UBR3: variants seen among roughly 807,000 people sequenced by gnomAD.
The protein encoded by UBR3 is E3 ubiquitin-protein ligase UBR3.
In UBR3, 85 loss-of-function variants were observed where a neutral mutation model predicts 243.2. That is an observed-to-expected ratio of 0.35 (90% CI 0.29 to 0.42). The LOEUF (loss-of-function observed/expected upper bound fraction) is 0.42, where lower values mean the gene tolerates loss of function less well. Among genes scored for constraint, UBR3 ranks in the 10% least tolerant of loss-of-function variants. The probability of loss-of-function intolerance (pLI) is 1.00; values close to 1 mark genes in which losing one functional copy is unlikely to be tolerated. For missense variants in UBR3, 1,686 were observed against 2,300.8 expected, an observed-to-expected ratio of 0.73 and a Z score of 5.47; for synonymous variants, 748 against 799.8, an observed-to-expected ratio of 0.94 and a Z score of 1.09.
intron 24 of UBR3, among the ~76,000 whole-genome samples, chr2:169,979,307 C>A (rs573998344): frequency 6.6e-6 from 1 of 152,310 alleles, no homozygotes; most frequent in South Asian, 2.1e-4. Flanking sequence ...GGTTGCAATT[C>A]AAAATGGTAC....
At chr2:169,957,982 C>G (rs556265908) in intron 23 of UBR3, among the ~76,000 whole-genome samples, 2 of 152,262 alleles carry the variant, frequency 1.3e-5, no homozygotes, top group African/African-American at 4.8e-5. Context: ...CTTAGGGTAA[C>G]AGTAAATATG....
intron 1 of UBR3, among the ~76,000 whole-genome samples, chr2:169,831,621 G>A (rs1359998472): frequency 6.6e-6 from 1 of 152,126 alleles, no homozygotes; most frequent in African/African-American, 2.4e-5. Flanking sequence ...ATTGGATAGA[G>A]TAATTTTCCT....
At chr2:170,022,504 C>T (rs546593460) in intron 30 of UBR3, among the ~76,000 whole-genome samples, 17 of 152,244 alleles carry the variant, frequency 1.1e-4, no homozygotes, top group Non-Finnish European at 7.3e-5. Flanking sequence ...CTGGAAGGAA[C>T]ACCGGGTTGG....
intron 31 of UBR3, among the ~76,000 whole-genome samples, chr2:170,034,017 G>GT (rs1475823163): frequency 1.4e-3 from 23 of 15,926 alleles, no homozygotes; most frequent in Non-Finnish European, 9.3e-4. Context: ...ACTTTGGTTT[G>GT]TTTTTTTTTT....
intron 24 of UBR3, among the ~76,000 whole-genome samples, chr2:169,983,834 G>A (rs2088873922): frequency 6.6e-6 from 1 of 152,082 alleles, no homozygotes; most frequent in African/African-American, 2.4e-5. Context: ...TGTATTTATT[G>A]TAATAATATC....
At chr2:169,914,205 G>T (rs891839293) in intron 11 of UBR3, 59 bp downstream of exon 11, 2 of 899,908 alleles carry the variant, frequency 2.2e-6, no homozygotes, top group Non-Finnish European at 1.6e-6. Flanking sequence ...TTTAAGAAAA[G>T]TGTTAGATTT....
In UBR3 at chr2:169,955,793, C is replaced by CAAAAAA. The variant is rs56238118; in HGVS notation, c.3546-2632_3546-2627dup. On this transcript the variant is annotated intron_variant, in intron 23 of 38. Transcript: ENST00000272793. ...TGGGCCATAGAGTGAGACTCCATCT[C>CAAAAAA]AAAAAAAAAAAAAAAAAAGATGTTG... Among the ~76,000 whole-genome samples, 66 of 78,536 alleles carry CAAAAAA rather than the reference C, an allele frequency of 8.4e-4. 4 individuals carry two copies. Among genetic ancestry groups the CAAAAAA allele is most frequent in the African/African-American group, 1.4e-3 (30 of 20,796 alleles). The allele number at this position is 78,536 out of a possible 152,430, so 51.5% of individuals were successfully genotyped here. A position where few individuals can be genotyped will look rare whatever the true frequency, so the allele number is the denominator to read the frequency against.
chr2:169,876,530 T>TC (rs879684150), intron 3 of UBR3, among the ~76,000 whole-genome samples: 9 of 144,584 alleles, frequency 6.2e-5, no homozygotes, highest in African/African-American at 2.5e-4. Flanking sequence ...TCTGCCTCTC[T>TC]TTATTGTATT....
intron 1 of UBR3, among the ~76,000 whole-genome samples, chr2:169,855,504 G>C (rs1233320154): frequency 6.6e-6 from 1 of 151,926 alleles, no homozygotes; most frequent in Non-Finnish European, 1.5e-5. Context: ...GCCGCCTTCC[G>C]CAGTGTTTGT....
At chr2:170,025,736 A>G (rs1291865018) in intron 30 of UBR3, among the ~76,000 whole-genome samples, 1 of 152,180 alleles carries the variant, frequency 6.6e-6, no homozygotes, top group Non-Finnish European at 1.5e-5. Flanking sequence ...ATGGATCATA[A>G]GAGGCAGAAC....
intron 1 of UBR3, among the ~76,000 whole-genome samples, chr2:169,848,235 G>T (rs964757429): frequency 1.3e-5 from 2 of 151,136 alleles, no homozygotes; most frequent in East Asian, 1.9e-4. Context: ...GGATGAAGGG[G>T]TTAACCCAAC....
At chr2:170,064,803 A>ATTTTTTTTTTTTTTTTTTTTTTTCTT in intron 35 of UBR3, among the ~76,000 whole-genome samples, 1 of 87,878 alleles carries the variant, frequency 1.1e-5, no homozygotes, top group Non-Finnish European at 2.2e-5. Context: ...TGCTTTTTCT[A>ATTTTTTTTTTTTTTTTTTTTTTTCTT]TTTTTTTTTT....
Position 169,921,114 on chromosome 2 carries a change from G to A in UBR3, c.1867-2815G>A, listed in dbSNP as rs532390442. ...ATAGGAGGCTTGTGAGAAGGAGGAA[G>A]TCTACATTTCATATTTAAATTACTG... On this transcript the variant is annotated intron_variant, in intron 11 of 38. Transcript: ENST00000272793. Among the ~76,000 whole-genome samples the A allele has an allele frequency of 1.7e-4, 26 of 152,276 alleles. No individual in the cohort carries two copies. In the South Asian group the frequency reaches 5.4e-3, roughly 32 times the overall value.
chr2:169,868,860 T>G (rs1198389923), intron 1 of UBR3, among the ~76,000 whole-genome samples: 1 of 152,188 alleles, frequency 6.6e-6, no homozygotes, highest in Non-Finnish European at 1.5e-5. Flanking sequence ...TTTGTTAGAA[T>G]TGGTTTACAT....
At chr2:169,902,272 A>G (rs1401194063) in intron 8 of UBR3, among the ~76,000 whole-genome samples, 1 of 152,164 alleles carries the variant, frequency 6.6e-6, no homozygotes, top group East Asian at 1.9e-4. Context: ...AGTTCAAACC[A>G]TGGCCATCTC....
chr2:170,001,433 T>A lies in UBR3; in HGVS notation c.4029+19T>A, dbSNP rs2089690576. 6.5e-7 allele frequency: 1 copy of A among 1,531,066 alleles called. No individual in the cohort carries two copies. Among genetic ancestry groups the A allele is most frequent in the African/African-American group, 1.4e-5 (1 of 73,218 alleles). The allele number at this position is 1,531,066 out of a possible 1,614,324, so 94.8% of individuals were successfully genotyped here. A position where few individuals can be genotyped will look rare whatever the true frequency, so the allele number is the denominator to read the frequency against. On this transcript the variant is annotated intron_variant, in intron 27 of 38. Coordinates refer to ENST00000272793, the MANE Select transcript of UBR3 (RefSeq NM_172070.4). The stretch of plus-strand genomic sequence containing the variant: ...ATTACGGGTAAGTTGATTGCAAAAA[T>A]TTTTTAAAGGTGCATGTATCTTTCC...
intron 26 of UBR3, among the ~76,000 whole-genome samples, chr2:169,997,706 A>G (rs62171990): frequency 0.059 from 8,946 of 152,168 alleles, 318 homozygotes; most frequent in Non-Finnish European, 0.086. Context: ...GAAGAATTTT[A>G]TCAAGTGACA....
chr2:169,939,453 G>GT (rs1456350815), intron 19 of UBR3, among the ~76,000 whole-genome samples: 1 of 143,390 alleles, frequency 7.0e-6, no homozygotes, highest in African/African-American at 2.6e-5. Context: ...TTTTTTAGTA[G>GT]AGACAGGCCT....
intron 29 of UBR3, among the ~76,000 whole-genome samples, chr2:170,012,867 T>C (rs1258609976): frequency 1.3e-5 from 2 of 152,016 alleles, no homozygotes; most frequent in Non-Finnish European, 2.9e-5. Flanking sequence ...TAGAAGTTAG[T>C]GTTGAATGGG....
Sources: gnomAD v4.1 joint callset for allele counts (sites outside exome capture counted in the v4.1 genomes callset) on GRCh38, gnomAD v4.1.1 for gene constraint, MANE v1.5 for transcripts, NCBI Gene and HGNC (gene_info 2026-07-23, HGNC 2026-07-21) for gene names.